IFRD1: variants seen among roughly 807,000 people sequenced by gnomAD.
The protein encoded by IFRD1 is interferon related developmental regulator 1.
IFRD1 carries 35 observed loss-of-function variants against 52.9 expected under a neutral mutation model. The observed-to-expected ratio is 0.66, with a 90% CI of 0.51 to 0.88. The LOEUF (loss-of-function observed/expected upper bound fraction) is 0.88, where lower values mean the gene tolerates loss of function less well. IFRD1 is among the 40% of genes least tolerant of loss of function. The pLI, the probability that IFRD1 is intolerant of heterozygous loss-of-function variation, is 0.00. For missense variants in IFRD1, 517 were observed against 550.8 expected (o/e 0.94, Z 0.61); for synonymous variants, 184 against 188.4 (o/e 0.98, Z 0.19).
intron 1 of IFRD1, among the ~76,000 whole-genome samples, chr7:112,425,503 T>C (rs986234074): frequency 1.3e-5 from 2 of 152,164 alleles, no homozygotes; most frequent in Non-Finnish European, 2.9e-5. Context: ...AATTCTAGGT[T>C]CTTTGGCTTT....
intron 5 of IFRD1, 26 bp from the exon 6 acceptor site, chr7:112,461,840 C>G: frequency 8.3e-7 from 1 of 1,211,618 alleles, no homozygotes. Context: ...TCATTAATGT[C>G]TATATATATA....
At position 112,456,084 on chromosome 7, in the gene IFRD1, G is replaced by A; in HGVS notation, c.282G>A (p.Lys94=). The change falls in exon 3 of 12, where the codon AAG becomes AAA. Residue 94 remains lysine (K), a splice_region_variant and synonymous_variant. Coordinates refer to ENST00000403825, the MANE Select transcript of IFRD1 (RefSeq NM_001550.4). Reference sequence around the variant, plus strand: ...GATTAATTGACCTAACCCTGGATAAGAGGTAGGCAATACTGGAAACTCCAT... The same window carrying A: ...GATTAATTGACCTAACCCTGGATAAAAGGTAGGCAATACTGGAAACTCCAT... ...LKGLIDLTLD[K]SAKTRQAALE... is the part of the protein sequence containing the mutation. 1 of 1,576,102 alleles carries A rather than the reference G, an allele frequency of 6.3e-7. No individual in the cohort carries two copies. Among genetic ancestry groups the A allele is most frequent in the Non-Finnish European group, 8.7e-7 (1 of 1,145,476 alleles).
At chr7:112,436,666 G>C (rs1794701578) in intron 1 of IFRD1, among the ~76,000 whole-genome samples, 1 of 152,022 alleles carries the variant, frequency 6.6e-6, no homozygotes, top group African/African-American at 2.4e-5. Flanking sequence ...GGAGGGATCA[G>C]TTCTAGCTAG....
chr7:112,427,029 A>T (rs943179652), intron 1 of IFRD1, among the ~76,000 whole-genome samples: 5 of 152,216 alleles, frequency 3.3e-5, no homozygotes, highest in African/African-American at 1.2e-4. Context: ...CTTTGGGCAC[A>T]TGTCGTCAGA....
At chr7:112,425,271 T>C (rs75785839) in intron 1 of IFRD1, among the ~76,000 whole-genome samples, 1,730 of 152,322 alleles carry the variant, frequency 0.011, 17 homozygotes, top group Non-Finnish European at 0.017. Context: ...GAGGTGTAGA[T>C]GGCAGGTAGG....
intron 1 of IFRD1, among the ~76,000 whole-genome samples, chr7:112,427,057 C>T (rs527877296): frequency 6.6e-6 from 1 of 152,300 alleles, no homozygotes. Flanking sequence ...GAGGCTGTGA[C>T]ACAGGTGTGT....
intron 1 of IFRD1, among the ~76,000 whole-genome samples, chr7:112,443,670 A>T (rs1794950113): frequency 6.6e-6 from 1 of 152,034 alleles, no homozygotes; most frequent in African/African-American, 2.4e-5. Flanking sequence ...GGAGTTCGAG[A>T]CCAGCCTGGC....
In IFRD1 at chr7:112,450,648, C is replaced by G. The variant is rs1231919628; in HGVS notation, c.-41C>G. 5 of 1,529,590 alleles carry G rather than the reference C, an allele frequency of 3.3e-6. No homozygotes were observed. The highest frequency in any genetic ancestry group is 3.6e-6 in the Non-Finnish European group (4 of 1,104,314). The allele number at this position is 1,529,590 out of a possible 1,614,324, so 94.8% of individuals were successfully genotyped here. On this transcript the variant is annotated 5_prime_UTR_variant, in exon 1 of 12. Coordinates refer to ENST00000403825, the MANE Select transcript of IFRD1 (RefSeq NM_001550.4). Reference sequence around the variant, plus strand: ...AAAAGTGCAGCTCCATCGGCTGATCCTCGCTAAGCTCCGACTCTGGGCGGC... The same window carrying G: ...AAAAGTGCAGCTCCATCGGCTGATCGTCGCTAAGCTCCGACTCTGGGCGGC...
rs1392610272 is a variant in IFRD1 at position 112,472,335 on chromosome 7, G to C, written c.1158G>C (p.Gln386His). ...AGGAGGTTCTTGGATCAGGGATGCA[G>C]TACCACTTGCAGGTAAGTGTCATCC... Reference protein sequence around the residue: ...TFKEVLGSGMQYHLQSNEFLR... With the variant: ...TFKEVLGSGMHYHLQSNEFLR... Residue 386 changes from glutamine (Q) to histidine (H), a missense_variant, in exon 10 of 12, where the codon CAG becomes CAC. Transcript: ENST00000403825. 2 of 1,614,012 alleles carry C rather than the reference G, an allele frequency of 1.2e-6. No individual in the cohort carries two copies. The highest frequency in any genetic ancestry group is 1.7e-6 in the Non-Finnish European group (2 of 1,179,912).
rs1352115249 is a variant in IFRD1 at position 112,427,811 on chromosome 7, T to A, written c.-182+4379T>A. 2.6e-5 allele frequency among the ~76,000 whole-genome samples: 4 copies of A among 152,234 alleles called. No homozygotes were observed. The South Asian group carries it at 8.3e-4, about 31-fold the overall frequency. ...AAAATATCTAGTGAGACCTACATTC[T>A]GTGAAGTGCTGCGGATAAAAAAATG... On this transcript the variant is annotated intron_variant, in intron 1 of 12. Transcript: ENST00000005558.
chr7:112,456,472 A>G (rs1406758971), intron 3 of IFRD1, among the ~76,000 whole-genome samples: 1 of 152,212 alleles, frequency 6.6e-6, no homozygotes, highest in African/African-American at 2.4e-5. Context: ...TTATGATATG[A>G]AAAAATGTCA....
intron 11 of IFRD1, 85 bp from the exon 12 acceptor site, chr7:112,475,345 T>G: frequency 1.3e-6 from 1 of 768,470 alleles, no homozygotes; most frequent in African/African-American, 1.7e-5. Context: ...GTTCATTTCT[T>G]TTCTTTGTGA....
intron 1 of IFRD1, among the ~76,000 whole-genome samples, chr7:112,430,817 G>C (rs1352426494): frequency 3.9e-5 from 6 of 152,192 alleles, no homozygotes; most frequent in South Asian, 2.1e-4. Context: ...TACTCCGCCA[G>C]AAGTGGCCTG....
intron 1 of IFRD1, among the ~76,000 whole-genome samples, chr7:112,430,271 C>G (rs969857247): frequency 3.9e-5 from 6 of 152,146 alleles, no homozygotes; most frequent in Non-Finnish European, 8.8e-5. Context: ...TAATTCCCTT[C>G]TGTTATCCCA....
intron 1 of IFRD1, among the ~76,000 whole-genome samples, chr7:112,451,867 G>A (rs924423043): frequency 6.6e-6 from 1 of 152,082 alleles, no homozygotes; most frequent in Non-Finnish European, 1.5e-5. Flanking sequence ...CCTCTGCCAC[G>A]GCTGCCACTC....
intron 5 of IFRD1, among the ~76,000 whole-genome samples, chr7:112,460,880 G>A (rs943549616): frequency 6.6e-6 from 1 of 152,034 alleles, no homozygotes; most frequent in Non-Finnish European, 1.5e-5. Flanking sequence ...GTGGAGAAAG[G>A]GGAAATGGAG....
intron 1 of IFRD1, among the ~76,000 whole-genome samples, chr7:112,436,429 T>C (rs1375870589): frequency 6.6e-6 from 1 of 152,196 alleles, no homozygotes; most frequent in East Asian, 1.9e-4. Flanking sequence ...GGATATTCAC[T>C]ATCAATGATT....
chr7:112,460,170 G>A (rs951312411), intron 5 of IFRD1, among the ~76,000 whole-genome samples: 2 of 148,370 alleles, frequency 1.3e-5, no homozygotes, highest in African/African-American at 5.0e-5. Context: ...CCAAGTTGCT[G>A]TGAATTTTTA....
intron 1 of IFRD1, among the ~76,000 whole-genome samples, chr7:112,441,834 A>T (rs553331218): frequency 6.2e-4 from 95 of 152,304 alleles, no homozygotes; most frequent in Non-Finnish European, 7.6e-4. Flanking sequence ...GCTCTAGAAC[A>T]TGCTTAGTAT....
Sources: gnomAD v4.1 joint callset for allele counts (sites outside exome capture counted in the v4.1 genomes callset) on GRCh38, gnomAD v4.1.1 for gene constraint, MANE v1.5 for transcripts, NCBI Gene and HGNC (gene_info 2026-07-23, HGNC 2026-07-21) for gene names.